PTPRR: variants seen among roughly 807,000 people sequenced by gnomAD.
The protein encoded by PTPRR is receptor-type tyrosine-protein phosphatase R.
A neutral mutation model predicts 77.2 loss-of-function variants in PTPRR; 38 were observed. The observed-to-expected ratio is 0.49, with a 90% CI of 0.38 to 0.65. PTPRR has a LOEUF of 0.65. PTPRR is among the 30% of genes least tolerant of loss of function. The pLI, the probability that PTPRR is intolerant of heterozygous loss-of-function variation, is 0.00. For missense variants in PTPRR, 744 were observed against 799.2 expected, an observed-to-expected ratio of 0.93 and a Z score of 0.83; for synonymous variants, 299 against 283.1, an observed-to-expected ratio of 1.06 and a Z score of -0.57.
chr12:70,669,531 TAC>T, intron 10 of PTPRR, among the ~76,000 whole-genome samples: 1 of 149,000 alleles, frequency 6.7e-6, no homozygotes. Context: ...GCTATATATA[TAC>T]ACACAAGCCA....
intron 2 of PTPRR, among the ~76,000 whole-genome samples, chr12:70,771,891 G>T (rs1341913329): frequency 6.6e-6 from 1 of 152,120 alleles, no homozygotes; most frequent in African/African-American, 2.4e-5. Context: ...AATGCCAGTG[G>T]TACTGATGAT....
Position 70,690,763 on chromosome 12 carries a change from T to C in PTPRR, c.1280-5980A>G, listed in dbSNP as rs116182290. Among the ~76,000 whole-genome samples, 510 of 152,352 alleles carry C rather than the reference T, an allele frequency of 3.3e-3. 3 individuals are homozygous for C. Among genetic ancestry groups the C allele is most frequent in the African/African-American group, 0.011 (463 of 41,590 alleles). On this transcript the variant is annotated intron_variant, in intron 8 of 13. Transcript: ENST00000283228. ...TAGTGCTAGCAACATTGTCTTAAAT[T>C]CTAAAATCACTTTCCATCAAGAGTT...
intron 1 of PTPRR, among the ~76,000 whole-genome samples, chr12:70,910,899 G>A (rs10506615): frequency 0.024 from 3,718 of 152,320 alleles, 70 homozygotes; most frequent in Non-Finnish European, 0.04. Flanking sequence ...GCATAGAGAA[G>A]TGAAGCATCA....
At chr12:70,900,002 A>C (rs2137125198) in intron 1 of PTPRR, among the ~76,000 whole-genome samples, 1 of 151,690 alleles carries the variant, frequency 6.6e-6, no homozygotes, top group East Asian at 1.9e-4. Context: ...ACTGAAAACT[A>C]TAAAATGTTG....
At chr12:70,700,593 T>C (rs1279434740) in intron 7 of PTPRR, among the ~76,000 whole-genome samples, 1 of 152,158 alleles carries the variant, frequency 6.6e-6, no homozygotes, top group Middle Eastern at 3.2e-3. Context: ...ACAGATTCTT[T>C]CCATTTTCCC....
intron 2 of PTPRR, among the ~76,000 whole-genome samples, chr12:70,765,343 A>C (rs993612101): frequency 1.3e-5 from 2 of 152,154 alleles, no homozygotes; most frequent in African/African-American, 4.8e-5. Context: ...AAAAAATGGC[A>C]CACCAGGAGA....
At position 70,722,924 on chromosome 12, in the gene PTPRR, C is replaced by A. The variant is rs577779247; in HGVS notation, c.1008-21601G>T. On this transcript the variant is annotated intron_variant, in intron 6 of 13. Transcript: ENST00000283228. ...AAAAGCCAAAAGATGGGCCTTCCAC[C>A]CAAGTCCCTGAAAAAGATTCTTGGC... Among the ~76,000 whole-genome samples the A allele has an allele frequency of 6.6e-5, 10 of 152,254 alleles. No individual in the cohort carries two copies. In the East Asian group the frequency reaches 1.9e-3, roughly 29 times the overall value.
chr12:70,791,453 C>T (rs374730076), intron 2 of PTPRR, among the ~76,000 whole-genome samples: 25 of 152,274 alleles, frequency 1.6e-4, no homozygotes, highest in Admixed American at 4.6e-4. Flanking sequence ...TAGAATACCA[C>T]GTTTCCTGTC....
chr12:70,675,648 G>A (rs1473472192), intron 10 of PTPRR, among the ~76,000 whole-genome samples: 1 of 151,650 alleles, frequency 6.6e-6, no homozygotes, highest in Non-Finnish European at 1.5e-5. Context: ...TCTTGTATTT[G>A]AGTACTTTTT....
At chr12:70,698,428 GA>G (rs750382204) in intron 7 of PTPRR, 79 bp from the exon 8 acceptor site, 61 of 1,242,534 alleles carry the variant, frequency 4.9e-5, no homozygotes, top group Non-Finnish European at 6.6e-5. Flanking sequence ...ATCTGATCCA[GA>G]GTTCTATTGG....
At chr12:70,764,560 C>T (rs148675079) in intron 3 of PTPRR, 105 bp downstream of exon 3, 773 of 870,328 alleles carry the variant, frequency 8.9e-4, no homozygotes, top group African/African-American at 4.3e-3. Context: ...CATGACGTGC[C>T]GGATTTGGCT....
intron 10 of PTPRR, among the ~76,000 whole-genome samples, chr12:70,673,597 G>T (rs924210044): frequency 1.3e-5 from 2 of 152,082 alleles, no homozygotes; most frequent in Non-Finnish European, 2.9e-5. Context: ...ATAAATTATG[G>T]TGCTATGTTG....
chr12:70,695,207 T>TAAG (rs1462310752), intron 8 of PTPRR, among the ~76,000 whole-genome samples: 1 of 152,228 alleles, frequency 6.6e-6, no homozygotes. Context: ...CTTTTAGAAC[T>TAAG]AAGAAGAGTT....
chr12:70,821,774 C>T (rs1892018770), intron 2 of PTPRR, among the ~76,000 whole-genome samples: 1 of 152,132 alleles, frequency 6.6e-6, no homozygotes, highest in Non-Finnish European at 1.5e-5. Flanking sequence ...ACGCCATTCT[C>T]CTGCCTCAGC....
intron 10 of PTPRR, among the ~76,000 whole-genome samples, chr12:70,681,260 G>A (rs770656469): frequency 6.6e-6 from 1 of 152,180 alleles, no homozygotes; most frequent in East Asian, 1.9e-4. Flanking sequence ...ATGTACTCTA[G>A]TTGTGGCTCT....
At chr12:70,855,177 C>T (rs1173234843) in intron 2 of PTPRR, among the ~76,000 whole-genome samples, 3 of 152,166 alleles carry the variant, frequency 2.0e-5, no homozygotes, top group African/African-American at 7.2e-5. Flanking sequence ...AATATTCTAG[C>T]TCTCTTTGCA....
At chr12:70,823,628 A>G (rs752371992) in intron 2 of PTPRR, among the ~76,000 whole-genome samples, 1 of 152,100 alleles carries the variant, frequency 6.6e-6, no homozygotes, top group Non-Finnish European at 1.5e-5. Flanking sequence ...CCTTCCTTAC[A>G]GTTCCTGCAG....
intron 2 of PTPRR, among the ~76,000 whole-genome samples, chr12:70,852,204 C>T (rs761060456): frequency 2.0e-5 from 3 of 151,900 alleles, no homozygotes; most frequent in African/African-American, 7.2e-5. Context: ...TTGGCAAATA[C>T]GAGAACTAGG....
intron 13 of PTPRR, among the ~76,000 whole-genome samples, chr12:70,645,395 C>T (rs548367095): frequency 2.6e-5 from 4 of 152,144 alleles, no homozygotes; most frequent in Non-Finnish European, 5.9e-5. Context: ...TAAATAAATG[C>T]TGTGTATTAT....
Sources: gnomAD v4.1 joint callset for allele counts (sites outside exome capture counted in the v4.1 genomes callset) on GRCh38, gnomAD v4.1.1 for gene constraint, MANE v1.5 for transcripts, NCBI Gene and HGNC (gene_info 2026-07-23, HGNC 2026-07-21) for gene names.